The following ST18 variants were observed in gnomAD, a reference collection of about 807,000 sequenced individuals.
ST18 encodes suppression of tumorigenicity 18 protein.
A neutral mutation model predicts 110.0 loss-of-function variants in ST18; 50 were observed. That is an observed-to-expected ratio of 0.45 (90% CI 0.36 to 0.58). The LOEUF (loss-of-function observed/expected upper bound fraction) is 0.58. Among genes scored for constraint, ST18 ranks in the 20% least tolerant of loss-of-function variants. The pLI, the probability that ST18 is intolerant of heterozygous loss-of-function variation, is 0.00. For missense variants in ST18, 1,306 were observed against 1,280.1 expected, an observed-to-expected ratio of 1.02 and a Z score of -0.31; for synonymous variants, 461 against 452.4, an observed-to-expected ratio of 1.02 and a Z score of -0.24.
At chr8:52,382,111 C>T (rs1056235469) in intron 2 of ST18, among the ~76,000 whole-genome samples, 6 of 152,100 alleles carry the variant, frequency 3.9e-5, no homozygotes, top group Admixed American at 3.9e-4. Flanking sequence ...TTTGTTATTT[C>T]TTTCTCTCAA....
chr8:52,265,469 A>C (rs2094838911), intron 2 of ST18, among the ~76,000 whole-genome samples: 1 of 152,250 alleles, frequency 6.6e-6, no homozygotes, highest in Non-Finnish European at 1.5e-5. Flanking sequence ...AGGGAGACAG[A>C]GGGCAAGCAA....
At chr8:52,133,352 T>C in intron 19 of ST18, 51 bp from the exon 20 acceptor site, 1 of 1,603,684 alleles carries the variant, frequency 6.2e-7, no homozygotes, top group Non-Finnish European at 8.5e-7. Flanking sequence ...GTTGGGGGAG[T>C]GGGGGTCACA....
chr8:52,242,023 A>G (rs2093452091), intron 2 of ST18, among the ~76,000 whole-genome samples: 1 of 152,174 alleles, frequency 6.6e-6, no homozygotes, highest in African/African-American at 2.4e-5. Context: ...TTTTAAATAC[A>G]GTTTCTCTTC....
intron 16 of ST18, among the ~76,000 whole-genome samples, chr8:52,144,302 T>A (rs1275828266): frequency 6.6e-6 from 1 of 152,122 alleles, no homozygotes; most frequent in Admixed American, 6.5e-5. Flanking sequence ...GTACTTAAGG[T>A]AAGTAAACTA....
chr8:52,199,322 C>T (rs943111771), intron 8 of ST18: 3 of 152,170 alleles, frequency 2.0e-5, no homozygotes, highest in Admixed American at 6.5e-5. Context: ...ACAGGCAATG[C>T]TTCAGGGCAT....
chr8:52,176,090 CT>C (rs1220773892), intron 9 of ST18, among the ~76,000 whole-genome samples: 1 of 151,764 alleles, frequency 6.6e-6, no homozygotes, highest in Non-Finnish European at 1.5e-5. Flanking sequence ...GGCTCAATCT[CT>C]GCTCACTGCA....
At chr8:52,217,117 C>T (rs893338558) in intron 6 of ST18, among the ~76,000 whole-genome samples, 1 of 152,122 alleles carries the variant, frequency 6.6e-6, no homozygotes, top group African/African-American at 2.4e-5. Context: ...GATAAGCTTG[C>T]AATTATGTCT....
chr8:52,216,820 C>G lies in ST18; in HGVS notation c.-1+926G>C, dbSNP rs539289967. 3.3e-5 allele frequency among the ~76,000 whole-genome samples: 5 copies of G among 152,246 alleles called. No homozygotes were observed. In the East Asian group the frequency reaches 7.7e-4, roughly 24 times the overall value. On this transcript the variant is annotated intron_variant, in intron 6 of 25. Transcript: ENST00000689386. The stretch of plus-strand genomic sequence containing the variant: ...TAGGTTTAATTTTTGTAAAATCAGG[C>G]CTCATATTCAATGAGTACCTTGTCC...
chr8:52,122,292 ATATAT>A (rs941004618), intron 23 of ST18, among the ~76,000 whole-genome samples: 8 of 152,088 alleles, frequency 5.3e-5, no homozygotes, highest in Non-Finnish European at 7.4e-5. Flanking sequence ...TTTGGGGATT[ATATAT>A]TATATTTTCT....
In ST18 at chr8:52,287,519, A is replaced by G. The variant is rs28415277; in HGVS notation, c.-464-57442T>C. 6.8e-3 allele frequency among the ~76,000 whole-genome samples: 1,037 copies of G among 152,300 alleles called. 11 individuals carry two copies. Among genetic ancestry groups the G allele is most frequent in the African/African-American group, 0.024 (985 of 41,568 alleles). On this transcript the variant is annotated intron_variant, in intron 2 of 25. Transcript: ENST00000689386. ...AGTCCAGTTGAAGGGGTTTTCAGACACAGAGCAACATCTAGAACAAATCCT... is the reference window on the plus strand; with the variant it reads ...AGTCCAGTTGAAGGGGTTTTCAGACGCAGAGCAACATCTAGAACAAATCCT...
At chr8:52,331,030 T>A (rs567717722) in intron 2 of ST18, among the ~76,000 whole-genome samples, 5 of 152,092 alleles carry the variant, frequency 3.3e-5, no homozygotes, top group African/African-American at 1.2e-4. Flanking sequence ...CCCTGTGTGA[T>A]TGGCTGCTCC....
At chr8:52,263,515 T>G (rs1238424886) in intron 2 of ST18, among the ~76,000 whole-genome samples, 1 of 152,224 alleles carries the variant, frequency 6.6e-6, no homozygotes, top group Non-Finnish European at 1.5e-5. Flanking sequence ...TCCTCATTTT[T>G]AACTATTGTT....
rs185693825 is a variant in ST18 at position 52,171,632 on chromosome 8, T to A, written c.1069+160A>T. Reference sequence around the variant, plus strand: ...CTTGATTGGAGGATAATCTAGAGAGTGGGGGAAAAGAAAGAAATTGTTTAT... The same window carrying A: ...CTTGATTGGAGGATAATCTAGAGAGAGGGGGAAAAGAAAGAAATTGTTTAT... On this transcript the variant is annotated intron_variant, in intron 10 of 25. Transcript: ENST00000689386. The A allele has an allele frequency of 1.6e-5, 13 of 811,042 alleles. No homozygotes were observed. In the Admixed American group the frequency reaches 1.6e-4, roughly 10 times the overall value. 50.2% of individuals were successfully genotyped at this position (811,042 alleles called of 1,614,324 possible). A position where few individuals can be genotyped will look rare whatever the true frequency, so the allele number is the denominator to read the frequency against.
At chr8:52,277,505 T>G (rs974420784) in intron 2 of ST18, among the ~76,000 whole-genome samples, 5 of 152,242 alleles carry the variant, frequency 3.3e-5, no homozygotes, top group Non-Finnish European at 7.3e-5. Context: ...CATGGTGTTC[T>G]TAGATCGCAG....
intron 2 of ST18, among the ~76,000 whole-genome samples, chr8:52,270,490 G>T (rs1183530926): frequency 2.0e-5 from 3 of 152,084 alleles, no homozygotes; most frequent in Non-Finnish European, 2.9e-5. Flanking sequence ...GCACAGCATT[G>T]TTACCTGAAG....
At chr8:52,329,545 A>G (rs1347679822) in intron 2 of ST18, among the ~76,000 whole-genome samples, 1 of 152,202 alleles carries the variant, frequency 6.6e-6, no homozygotes, top group Non-Finnish European at 1.5e-5. Context: ...AACTGAAGTC[A>G]GGAGTTCAAG....
chr8:52,328,028 G>A (rs539552908), intron 2 of ST18, among the ~76,000 whole-genome samples: 2 of 152,242 alleles, frequency 1.3e-5, no homozygotes, highest in African/African-American at 4.8e-5. Context: ...TTTCTTTCAG[G>A]AACATGAGAA....
chr8:52,407,720 C>T (rs1457161579), intron 2 of ST18: 1 of 152,104 alleles, frequency 6.6e-6, no homozygotes, highest in Non-Finnish European at 1.5e-5. Flanking sequence ...AAAACGGCTA[C>T]TTTCATGCAG....
At chr8:52,346,155 GT>G (rs1443967061) in intron 2 of ST18, among the ~76,000 whole-genome samples, 2 of 150,822 alleles carry the variant, frequency 1.3e-5, no homozygotes, top group Non-Finnish European at 3.0e-5. Flanking sequence ...AAGGCCATAT[GT>G]AAAATTTATT....
Sources: gnomAD v4.1 joint callset for allele counts (sites outside exome capture counted in the v4.1 genomes callset) on GRCh38, gnomAD v4.1.1 for gene constraint, MANE v1.5 for transcripts, NCBI Gene and HGNC (gene_info 2026-07-23, HGNC 2026-07-21) for gene names.